The following CADM1 variants were observed in gnomAD, a reference collection of about 807,000 sequenced individuals.
The protein encoded by CADM1 is TSLC-1.
Under a neutral mutation model 53.1 loss-of-function variants are expected in CADM1, and 15 were observed. The observed-to-expected ratio is 0.28, with a 90% CI of 0.19 to 0.44. CADM1 has a LOEUF of 0.44. Among genes scored for constraint, CADM1 ranks in the 20% least tolerant of loss-of-function variants. The pLI, the probability that CADM1 is intolerant of heterozygous loss-of-function variation, is 1.00. For synonymous variants in CADM1, 281 were observed against 243.0 expected, an observed-to-expected ratio of 1.16 and a Z score of -1.45; for missense variants, 434 against 611.3, an observed-to-expected ratio of 0.71 and a Z score of 3.06.
At chr11:115,313,319 A>T (rs2135167909) in intron 1 of CADM1, among the ~76,000 whole-genome samples, 1 of 152,298 alleles carries the variant, frequency 6.6e-6, no homozygotes, top group East Asian at 1.9e-4. Context: ...GTGGAAGGAA[A>T]TGAAGCAACC....
intron 9 of CADM1, among the ~76,000 whole-genome samples, chr11:115,197,747 T>C (rs1489941329): frequency 6.6e-6 from 1 of 152,200 alleles, no homozygotes; most frequent in Non-Finnish European, 1.5e-5. Flanking sequence ...GCTGATAAAA[T>C]TGACACATGG....
In CADM1 at chr11:115,178,674, T is replaced by C. The variant is rs775195967; in HGVS notation, c.1267A>G (p.Ile423Val). 2.5e-5 allele frequency: 40 copies of C among 1,613,504 alleles called. No individual in the cohort carries two copies. In the Admixed American group the frequency reaches 3.2e-4, roughly 13 times the overall value. The change falls in exon 11 of 12, where the codon ATT becomes GTT. Residue 423 changes from isoleucine (I) to valine (V), a missense_variant. Ile to Val is a conservative substitution (Grantham distance 29). Around this residue, in one of 4 missense-constraint regions of CADM1, gnomAD observed 311 missense variants for 435.1 expected, o/e 0.71. Coordinates refer to ENST00000331581, the MANE Select transcript of CADM1 (RefSeq NM_001301043.2). ...VVFAMLCLLI[I>V]LGRYFARHKG... ...TGTCTGGCAAAATAGCGCCCCAGAA[T>C]GATGAGCAAGCACAGCATGGCGAAC...
At chr11:115,502,898 T>C (rs1461757807) in intron 1 of CADM1, among the ~76,000 whole-genome samples, 1 of 152,184 alleles carries the variant, frequency 6.6e-6, no homozygotes, top group East Asian at 1.9e-4. Context: ...CCCAACGCTG[T>C]GCCCGCCCGG....
At chr11:115,276,328 G>T (rs1943442638) in intron 1 of CADM1, among the ~76,000 whole-genome samples, 2 of 152,122 alleles carry the variant, frequency 1.3e-5, no homozygotes, top group African/African-American at 4.8e-5. Context: ...AAAACAATAG[G>T]CACCATCAGG....
intron 1 of CADM1, among the ~76,000 whole-genome samples, chr11:115,277,529 A>G (rs1164866880): frequency 6.6e-6 from 1 of 152,164 alleles, no homozygotes; most frequent in East Asian, 1.9e-4. Context: ...AAACAATACA[A>G]TTACTAGGGT....
Position 115,209,170 on chromosome 11 carries a change from G to C in CADM1, c.1078+404C>G, listed in dbSNP as rs1485851680. 3.3e-5 allele frequency among the ~76,000 whole-genome samples: 5 copies of C among 152,314 alleles called. No individual in the cohort carries two copies. In the East Asian group the frequency reaches 9.6e-4, roughly 29 times the overall value. The stretch of plus-strand genomic sequence containing the variant: ...CCAAATAGGCACATTGAAGTTAGGT[G>C]TGTATATTTTCCCTTACATGGACTG... On this transcript the variant is annotated intron_variant, in intron 8 of 11. Coordinates refer to ENST00000331581, the MANE Select transcript of CADM1 (RefSeq NM_001301043.2).
At chr11:115,219,264 C>T (rs1261707688) in intron 5 of CADM1, among the ~76,000 whole-genome samples, 1 of 152,196 alleles carries the variant, frequency 6.6e-6, no homozygotes, top group African/African-American at 2.4e-5. Context: ...AAGGCTCAAC[C>T]AATCTCATCT....
At chr11:115,303,089 C>A (rs951354767) in intron 1 of CADM1, among the ~76,000 whole-genome samples, 1 of 152,062 alleles carries the variant, frequency 6.6e-6, no homozygotes, top group Non-Finnish European at 1.5e-5. Context: ...AAAAGGGGGG[C>A]AACAAATAAT....
intron 1 of CADM1, among the ~76,000 whole-genome samples, chr11:115,400,659 GTGTATATATATATATATA>G (rs1217826093): frequency 1.3e-4 from 5 of 38,668 alleles, no homozygotes; most frequent in African/African-American, 2.5e-4. Context: ...GTGTGTGTGT[GTGTATATATATATATATA>G]TATATATATA....
At chr11:115,404,346 A>AAAATATAT (rs1947251974) in intron 1 of CADM1, among the ~76,000 whole-genome samples, 1 of 33,792 alleles carries the variant, frequency 3.0e-5, no homozygotes, top group African/African-American at 1.4e-4. Flanking sequence ...AAAAAAAAAA[A>AAAATATAT]ATATATATAT....
intron 5 of CADM1, among the ~76,000 whole-genome samples, chr11:115,219,360 A>G (rs531196733): frequency 6.6e-6 from 1 of 152,308 alleles, no homozygotes; most frequent in East Asian, 1.9e-4. Context: ...CTTTCCTATC[A>G]CAAATCTTTC....
At chr11:115,231,012 A>T (rs1306650847) in intron 4 of CADM1, among the ~76,000 whole-genome samples, 1 of 152,172 alleles carries the variant, frequency 6.6e-6, no homozygotes, top group Non-Finnish European at 1.5e-5. Flanking sequence ...AGCAATTAGA[A>T]TTGAAGGTAC....
At chr11:115,436,808 T>C (rs1948193868) in intron 1 of CADM1, among the ~76,000 whole-genome samples, 1 of 152,162 alleles carries the variant, frequency 6.6e-6, no homozygotes, top group Admixed American at 6.5e-5. Context: ...ACTTGTAACA[T>C]AGTCTGGAAT....
chr11:115,269,853 G>A (rs948676327), intron 1 of CADM1, among the ~76,000 whole-genome samples: 11 of 152,230 alleles, frequency 7.2e-5, no homozygotes, highest in East Asian at 3.9e-4. Flanking sequence ...GGAAAGCTAC[G>A]TCCCTCTGGA....
At chr11:115,297,922 C>T (rs1218028968) in intron 1 of CADM1, among the ~76,000 whole-genome samples, 1 of 152,210 alleles carries the variant, frequency 6.6e-6, no homozygotes, top group Non-Finnish European at 1.5e-5. Flanking sequence ...AAATGTCATT[C>T]ATATTTACCT....
At chr11:115,360,787 T>C (rs1946006709) in intron 1 of CADM1, among the ~76,000 whole-genome samples, 1 of 152,228 alleles carries the variant, frequency 6.6e-6, no homozygotes, top group Admixed American at 6.5e-5. Flanking sequence ...AACTGTGACC[T>C]TGAGCCCCTT....
intron 1 of CADM1, among the ~76,000 whole-genome samples, chr11:115,350,241 G>T (rs1009277340): frequency 3.3e-5 from 5 of 152,186 alleles, no homozygotes; most frequent in African/African-American, 4.8e-5. Flanking sequence ...AAAGTTCTGG[G>T]ATTACAGGCG....
intron 9 of CADM1, among the ~76,000 whole-genome samples, chr11:115,191,292 A>G (rs571379017): frequency 6.6e-6 from 1 of 152,194 alleles, no homozygotes; most frequent in South Asian, 2.1e-4. Context: ...ATGTATTTAG[A>G]TGTTACATAC....
intron 1 of CADM1, among the ~76,000 whole-genome samples, chr11:115,283,803 T>C (rs998922223): frequency 2.0e-5 from 3 of 152,166 alleles, no homozygotes; most frequent in Non-Finnish European, 4.4e-5. Context: ...CTGTGCCACC[T>C]GTCGTAGTGT....
Sources: allele counts gnomAD v4.1 joint callset (sites outside exome capture counted in the v4.1 genomes callset), GRCh38; gene constraint gnomAD v4.1.1; regional missense constraint gnomAD v4.1.1; transcripts MANE v1.5; gene names NCBI Gene and HGNC (gene_info 2026-07-23, HGNC 2026-07-21).